The following SBF2 variants were observed in gnomAD, a reference collection of about 807,000 sequenced individuals.
SBF2 encodes myotubularin-related protein 13.
A neutral mutation model predicts 225.2 loss-of-function variants in SBF2; 112 were observed. The ratio of observed to expected loss-of-function variants is 0.50; its 90% CI spans 0.43 to 0.58. The LOEUF is 0.58. SBF2 is among the 20% of genes least tolerant of loss of function. The pLI is 0.00. For missense variants in SBF2, 1,996 were observed against 2,206.2 expected, an observed-to-expected ratio of 0.90 and a Z score of 1.91; for synonymous variants, 763 against 773.3, an observed-to-expected ratio of 0.99 and a Z score of 0.22.
intron 1 of SBF2, among the ~76,000 whole-genome samples, chr11:10,210,982 C>A (rs1478319151): frequency 8.5e-6 from 1 of 117,146 alleles, no homozygotes; most frequent in Non-Finnish European, 1.7e-5. Flanking sequence ...CACTGCACTC[C>A]AGCCTGGGCG....
chr11:9,999,312 TG>T (rs1565114013), intron 8 of SBF2, among the ~76,000 whole-genome samples: 4 of 151,122 alleles, frequency 2.6e-5, no homozygotes, highest in Non-Finnish European at 5.9e-5. Flanking sequence ...TATGTATGTA[TG>T]TATGTATGTA....
chr11:10,064,986 C>A (rs1950579558), intron 2 of SBF2, among the ~76,000 whole-genome samples: 1 of 152,172 alleles, frequency 6.6e-6, no homozygotes, highest in Admixed American at 6.5e-5. Context: ...TTCTCAAGTA[C>A]ATCTGAATTA....
At chr11:10,281,383 T>C (rs1963397714) in intron 1 of SBF2, among the ~76,000 whole-genome samples, 1 of 152,190 alleles carries the variant, frequency 6.6e-6, no homozygotes, top group Admixed American at 6.5e-5. Flanking sequence ...ACCCTCATCC[T>C]TTAAGAACAC....
intron 2 of SBF2, among the ~76,000 whole-genome samples, chr11:10,056,069 T>A (rs1950248746): frequency 6.6e-6 from 1 of 152,016 alleles, no homozygotes; most frequent in Admixed American, 6.6e-5. Context: ...TAATTATAAG[T>A]TTAAAATAAT....
At chr11:9,926,829 A>T (rs758418899) in intron 16 of SBF2, among the ~76,000 whole-genome samples, 1 of 152,202 alleles carries the variant, frequency 6.6e-6, no homozygotes, top group Non-Finnish European at 1.5e-5. Context: ...ATTAGCATCT[A>T]CCTTAAGAAA....
intron 1 of SBF2, among the ~76,000 whole-genome samples, chr11:10,268,693 A>C (rs1418242981): frequency 6.6e-6 from 1 of 152,220 alleles, no homozygotes; most frequent in Non-Finnish European, 1.5e-5. Context: ...TGTTGAAAGG[A>C]CATTTTTTCC....
chr11:9,914,908 G>A (rs550251690), intron 16 of SBF2, among the ~76,000 whole-genome samples: 1 of 114,204 alleles, frequency 8.8e-6, no homozygotes, highest in South Asian at 3.5e-4. Flanking sequence ...TGTTTATAGT[G>A]GGGGGGGCTA....
intron 16 of SBF2, among the ~76,000 whole-genome samples, chr11:9,946,489 C>T (rs59740662): frequency 0.036 from 5,150 of 141,558 alleles, 268 homozygotes; most frequent in African/African-American, 0.12. Flanking sequence ...TCACTTTTGT[C>T]GCCCAGGCTG....
At chr11:9,967,965 CTCTCTCTATATATA>C (rs796297394) in intron 14 of SBF2, among the ~76,000 whole-genome samples, 73 of 94,938 alleles carry the variant, frequency 7.7e-4, no homozygotes, top group African/African-American at 1.4e-3. Flanking sequence ...CTCTCTCTCT[CTCTCTCTATATATA>C]TATATATATA....
intron 2 of SBF2, among the ~76,000 whole-genome samples, chr11:10,152,941 A>G (rs949158862): frequency 2.0e-5 from 3 of 152,252 alleles, no homozygotes; most frequent in Non-Finnish European, 4.4e-5. Flanking sequence ...AAAAAAGCCA[A>G]TAAAACATGG....
At chr11:10,175,877 T>G (rs374207961) in intron 2 of SBF2, among the ~76,000 whole-genome samples, 9,190 of 151,736 alleles carry the variant, frequency 0.061, 347 homozygotes, top group Middle Eastern at 0.15. Flanking sequence ...ACCGCTCAAC[T>G]ACATGGAAAC....
intron 16 of SBF2, among the ~76,000 whole-genome samples, chr11:9,936,761 T>G (rs911693165): frequency 4.6e-5 from 7 of 152,196 alleles, no homozygotes; most frequent in South Asian, 2.1e-4. Flanking sequence ...ATGAGAACAT[T>G]TGGACACAGG....
chr11:10,187,485 T>C (rs1956977868), intron 2 of SBF2, among the ~76,000 whole-genome samples: 2 of 152,210 alleles, frequency 1.3e-5, no homozygotes, highest in South Asian at 4.1e-4. Context: ...CCTTCGCTCA[T>C]CTCCTCCCCT....
At chr11:9,876,749 T>C (rs1195740889) in intron 17 of SBF2, among the ~76,000 whole-genome samples, 1 of 152,198 alleles carries the variant, frequency 6.6e-6, no homozygotes, top group Non-Finnish European at 1.5e-5. Context: ...ACTTTGTTGT[T>C]GTTGTTTTGA....
intron 1 of SBF2, among the ~76,000 whole-genome samples, chr11:10,242,726 A>T (rs1591293417): frequency 6.6e-6 from 1 of 152,298 alleles, no homozygotes; most frequent in East Asian, 1.9e-4. Flanking sequence ...TTTATGTCAA[A>T]AACTGTTAAT....
At chr11:9,991,296 T>C (rs973753726) in intron 12 of SBF2, among the ~76,000 whole-genome samples, 15 of 152,184 alleles carry the variant, frequency 9.9e-5, no homozygotes, top group African/African-American at 3.6e-4. Flanking sequence ...AATTAAAGCA[T>C]CTGATGCAGT....
rs79251068 is a variant in SBF2, at chr11:9,795,868, T to C, written c.4533A>G (p.Thr1511=). The C allele has an allele frequency of 1.7e-3, 2,782 of 1,613,820 alleles. 44 individuals are homozygous for C. The African/African-American group carries it at 0.033, about 19-fold the overall frequency. The change falls in exon 33 of 40, where the codon ACA becomes ACG. Residue 1511 remains threonine (T), a synonymous_variant. Transcript: ENST00000256190. ...TTTCATAGTCTGAATCCAGGAGAAA[T>C]GTTTTAAAGCGATTAGACACATAGT... ...AFHYVSNRFK[T]FLLDSDYERL...
chr11:9,883,120 C>T (rs1189033831), intron 17 of SBF2, among the ~76,000 whole-genome samples: 2 of 151,936 alleles, frequency 1.3e-5, no homozygotes, highest in African/African-American at 2.4e-5. Context: ...GGCGACAGAG[C>T]GAGACTCTGT....
At chr11:10,170,097 T>C (rs1398766217) in intron 2 of SBF2, among the ~76,000 whole-genome samples, 1 of 152,134 alleles carries the variant, frequency 6.6e-6, no homozygotes, top group Admixed American at 6.5e-5. Flanking sequence ...CTTCACTTTG[T>C]TGATTGTTTC....
Sources: gnomAD v4.1 joint callset for allele counts (sites outside exome capture counted in the v4.1 genomes callset) on GRCh38, gnomAD v4.1.1 for gene constraint, MANE v1.5 for transcripts, NCBI Gene and HGNC (gene_info 2026-07-23, HGNC 2026-07-21) for gene names.